Variants in EVL observed in about 807,000 individuals in gnomAD.
The protein encoded by EVL is Enah/Vasp-like.
EVL carries 21 observed loss-of-function variants against 59.6 expected under a neutral mutation model. The observed-to-expected ratio is 0.35, with a 90% confidence interval of 0.25 to 0.51. EVL has a LOEUF of 0.51. Among genes scored for constraint, EVL ranks in the 20% least tolerant of loss-of-function variants. The pLI, the probability that EVL is intolerant of heterozygous loss-of-function variation, is 0.97. For synonymous variants in EVL, 198 were observed against 203.5 expected (o/e 0.97, Z 0.23); for missense variants, 462 against 546.6 (o/e 0.85, Z 1.54).
intron 1 of EVL, among the ~76,000 whole-genome samples, chr14:100,010,884 C>G (rs960886111): frequency 4.6e-5 from 7 of 152,194 alleles, no homozygotes; most frequent in African/African-American, 1.7e-4. Context: ...ATCAAATGTT[C>G]CGTTTTTCAT....
chr14:100,089,996 AAAG>A (rs2062530251), intron 2 of EVL, among the ~76,000 whole-genome samples: 1 of 152,236 alleles, frequency 6.6e-6, no homozygotes, highest in South Asian at 2.1e-4. Context: ...TATATTAGAA[AAAG>A]AAGAGTATTT....
chr14:100,069,427 C>T (rs1051635312), intron 1 of EVL, among the ~76,000 whole-genome samples: 1 of 152,180 alleles, frequency 6.6e-6, no homozygotes, highest in Non-Finnish European at 1.5e-5. Context: ...TAATTGTACG[C>T]CTTTGTGTGA....
At chr14:100,133,944 A>AAAAC (rs1471161921) in intron 8 of EVL, among the ~76,000 whole-genome samples, 3 of 151,328 alleles carry the variant, frequency 2.0e-5, no homozygotes, top group Non-Finnish European at 4.4e-5. Flanking sequence ...TCTCAAAAAC[A>AAAAC]AAACAAACAA....
At chr14:100,064,819 A>G (rs2140268825), upstream of EVL, among the ~76,000 whole-genome samples, 1 of 152,324 alleles carries the variant, frequency 6.6e-6, no homozygotes, top group African/African-American at 2.4e-5. Flanking sequence ...CTGAGGCAGG[A>G]GAATCGCTTG....
intron 3 of EVL, among the ~76,000 whole-genome samples, chr14:100,101,784 A>G (rs74580324): frequency 9.1e-4 from 138 of 152,348 alleles, no homozygotes; most frequent in African/African-American, 3.1e-3. Context: ...AGCACTAGGC[A>G]TTAGTACTCT....
At chr14:100,100,227 G>C (rs934087880) in intron 3 of EVL, among the ~76,000 whole-genome samples, 2 of 152,072 alleles carry the variant, frequency 1.3e-5, no homozygotes, top group African/African-American at 4.8e-5. Flanking sequence ...TGAGTGTCTT[G>C]TTGAGGCGGG....
chr14:100,002,863 A>G (rs373166352), intron 1 of EVL, among the ~76,000 whole-genome samples: 1 of 152,246 alleles, frequency 6.6e-6, no homozygotes, highest in African/African-American at 2.4e-5. Flanking sequence ...TTTCCAAACA[A>G]TAAGCCCAAT....
At chr14:100,048,794 A>G (rs945218333) in intron 1 of EVL, among the ~76,000 whole-genome samples, 1 of 152,256 alleles carries the variant, frequency 6.6e-6, no homozygotes, top group African/African-American at 2.4e-5. Context: ...AACAGCTCGG[A>G]TGAATCTCAA....
At chr14:100,139,744 C>A (rs1277362142) in intron 11 of EVL, 1 of 152,250 alleles carries the variant, frequency 6.6e-6, no homozygotes, top group Non-Finnish European at 1.5e-5. Flanking sequence ...GCAGCCAAGG[C>A]TGGCCCTGCC....
chr14:99,996,400 A>G (rs952648130), intron 1 of EVL, among the ~76,000 whole-genome samples: 5 of 152,072 alleles, frequency 3.3e-5, no homozygotes, highest in African/African-American at 7.2e-5. Context: ...TTTGGAGTCA[A>G]CCTTCTCTGG....
intron 1 of EVL, among the ~76,000 whole-genome samples, chr14:100,001,435 C>G (rs2060945723): frequency 6.6e-6 from 1 of 152,228 alleles, no homozygotes; most frequent in African/African-American, 2.4e-5. Flanking sequence ...GAATTCGTCT[C>G]TCTCTCCAGT....
intron 2 of EVL, among the ~76,000 whole-genome samples, chr14:100,091,794 C>T (rs992311938): frequency 4.6e-5 from 7 of 152,188 alleles, no homozygotes; most frequent in African/African-American, 1.4e-4. Flanking sequence ...GCACTTGCGA[C>T]TGGCATCTGA....
intron 1 of EVL, among the ~76,000 whole-genome samples, chr14:100,079,838 A>G (rs902936159): frequency 6.6e-6 from 1 of 152,130 alleles, no homozygotes; most frequent in African/African-American, 2.4e-5. Flanking sequence ...AGGATTAGAG[A>G]GTGACAGCCC....
chr14:100,137,685 G>A (rs1404060713), intron 10 of EVL, 41 bp downstream of exon 10: 1 of 1,613,848 alleles, frequency 6.2e-7, no homozygotes, highest in Non-Finnish European at 8.5e-7. Flanking sequence ...AGGCTGGTGG[G>A]GCAGAGGCGG....
At chr14:100,030,037 G>A (rs1020395515) in intron 1 of EVL, among the ~76,000 whole-genome samples, 22 of 151,630 alleles carry the variant, frequency 1.5e-4, no homozygotes, top group African/African-American at 5.3e-4. Flanking sequence ...TGCCTTACCT[G>A]TAAAATGGGA....
intron 1 of EVL, among the ~76,000 whole-genome samples, chr14:100,018,741 A>T (rs1451474058): frequency 1.3e-5 from 2 of 152,230 alleles, no homozygotes; most frequent in East Asian, 3.8e-4. Flanking sequence ...TTTTTATTTG[A>T]GATCTGCCTT....
In EVL at chr14:100,091,779, A is replaced by T. The variant is rs566463979; in HGVS notation, c.181-5702A>T. 2.6e-5 allele frequency among the ~76,000 whole-genome samples: 4 copies of T among 152,334 alleles called. No homozygotes were observed. The East Asian group carries it at 7.7e-4, about 29-fold the overall frequency. ...CCCGTGGGTCGGAAGCACAAGTCACAACCTGCACTTGCGACTGGCATCTGA... is the reference window on the plus strand; with the variant it reads ...CCCGTGGGTCGGAAGCACAAGTCACTACCTGCACTTGCGACTGGCATCTGA... On this transcript the variant is annotated intron_variant, in intron 2 of 13. Coordinates refer to ENST00000392920, the MANE Select transcript of EVL (RefSeq NM_016337.3).
intron 1 of EVL, among the ~76,000 whole-genome samples, chr14:99,995,278 G>A (rs1010967691): frequency 2.0e-5 from 3 of 152,038 alleles, no homozygotes; most frequent in Admixed American, 6.5e-5. Context: ...TATTTCACTG[G>A]ATGGTAGTCG....
intron 1 of EVL, among the ~76,000 whole-genome samples, chr14:100,038,768 T>A (rs1331029625): frequency 6.2e-5 from 2 of 32,202 alleles, no homozygotes; most frequent in African/African-American, 1.2e-4. Flanking sequence ...TGCTGTGCCC[T>A]GGGGTGTGTG....
Sources: allele counts gnomAD v4.1 joint callset (sites outside exome capture counted in the v4.1 genomes callset), GRCh38; gene constraint gnomAD v4.1.1; transcripts MANE v1.5; gene names NCBI Gene and HGNC (gene_info 2026-07-23, HGNC 2026-07-21).